The following PTPRK variants were observed in gnomAD, a reference collection of about 807,000 sequenced individuals.
PTPRK encodes protein tyrosine phosphatase receptor type K.
In PTPRK, 75 loss-of-function variants were observed where a neutral mutation model predicts 178.0. That is an observed-to-expected ratio of 0.42 (90% confidence interval 0.35 to 0.51). The LOEUF (loss-of-function observed/expected upper bound fraction) is 0.51. Ranked by LOEUF, PTPRK falls within the 20% of genes least tolerant of loss-of-function variation. The pLI is 0.02. For synonymous variants in PTPRK, 637 were observed against 620.6 expected (o/e 1.03, Z -0.39); for missense variants, 1,441 against 1,797.8 (o/e 0.80, Z 3.59).
intron 2 of PTPRK, among the ~76,000 whole-genome samples, chr6:128,336,176 C>A (rs1376407957): frequency 6.9e-6 from 1 of 145,490 alleles, no homozygotes; most frequent in African/African-American, 2.5e-5. Context: ...CAAGTGACCT[C>A]CATTCCAACA....
chr6:128,274,739 G>C (rs958491462), intron 3 of PTPRK, among the ~76,000 whole-genome samples: 2 of 151,994 alleles, frequency 1.3e-5, no homozygotes, highest in Non-Finnish European at 2.9e-5. Flanking sequence ...TTAATTTGTA[G>C]ACCAGATTAC....
rs182375324 is a variant in PTPRK at position 128,122,372 on chromosome 6, G to C, written c.1163-32380C>G. 3.3e-5 allele frequency among the ~76,000 whole-genome samples: 5 copies of C among 152,206 alleles called. 1 individual carries two copies. The highest frequency in any genetic ancestry group is 2.6e-4 in the Admixed American group (4 of 15,282). ...ATAAGAGTATATTAGAAGATAGCTGGATAACGGAGGTGGAATCTTACCTGA... is the reference window on the plus strand; with the variant it reads ...ATAAGAGTATATTAGAAGATAGCTGCATAACGGAGGTGGAATCTTACCTGA... On this transcript the variant is annotated intron_variant, in intron 7 of 29. Coordinates refer to ENST00000368226, the MANE Select transcript of PTPRK (RefSeq NM_002844.4).
At chr6:128,152,197 A>T (rs1465940879) in intron 7 of PTPRK, among the ~76,000 whole-genome samples, 1 of 152,038 alleles carries the variant, frequency 6.6e-6, no homozygotes, top group East Asian at 1.9e-4. Flanking sequence ...TTCTCACTAA[A>T]ATCAAAGGGA....
At chr6:128,128,254 G>C (rs1189391199) in intron 7 of PTPRK, among the ~76,000 whole-genome samples, 1 of 152,120 alleles carries the variant, frequency 6.6e-6, no homozygotes, top group South Asian at 2.1e-4. Flanking sequence ...AATACATGAG[G>C]ATCAAAATCT....
In PTPRK at chr6:127,981,160, T is replaced by C. The variant is rs754768985; in HGVS notation, c.3667A>G (p.Ile1223Val). ...ATGTAGTTACTGCTCTCCCCATCAA[T>C]TGTAATTAAAAAAGGCAGACATCTG... Reference protein sequence around the residue: ...PDRCLPFLITIDGESSNYINA... With the variant: ...PDRCLPFLITVDGESSNYINA... The change falls in exon 25 of 30, where the codon ATT (isoleucine) becomes GTT (valine). Residue 1223 changes from isoleucine (I) to valine (V), a missense_variant. Transcript: ENST00000368226. 3.4e-5 allele frequency: 55 copies of C among 1,613,852 alleles called. No homozygotes were observed. In the South Asian group the frequency reaches 3.7e-4, roughly 11 times the overall value.
At chr6:128,476,897 A>C (rs189233797) in intron 1 of PTPRK, among the ~76,000 whole-genome samples, 9 of 152,040 alleles carry the variant, frequency 5.9e-5, no homozygotes, top group Admixed American at 5.9e-4. Flanking sequence ...TAAAAAAAAA[A>C]AATCAATCTT....
chr6:128,512,840 C>T (rs1434414858), intron 1 of PTPRK, among the ~76,000 whole-genome samples: 1 of 152,076 alleles, frequency 6.6e-6, no homozygotes, highest in Non-Finnish European at 1.5e-5. Context: ...TTTGACTGTC[C>T]TATAAATGAG....
At chr6:128,342,317 A>T (rs1293881308) in intron 2 of PTPRK, among the ~76,000 whole-genome samples, 2 of 152,238 alleles carry the variant, frequency 1.3e-5, no homozygotes, top group East Asian at 3.9e-4. Flanking sequence ...CACACAAAAA[A>T]ATTTTTAAGT....
At chr6:128,157,762 CCTTCACCCA>C (rs1240771709) in intron 7 of PTPRK, among the ~76,000 whole-genome samples, 2 of 151,958 alleles carry the variant, frequency 1.3e-5, no homozygotes, top group African/African-American at 2.4e-5. Context: ...CTGTTCATAT[CCTTCACCCA>C]CTTTTTGATG....
At chr6:128,255,580 A>C (rs909867926) in intron 3 of PTPRK, among the ~76,000 whole-genome samples, 1 of 152,272 alleles carries the variant, frequency 6.6e-6, no homozygotes, top group Non-Finnish European at 1.5e-5. Flanking sequence ...GGAGATATTT[A>C]ACCTGTTTAA....
At chr6:128,238,961 C>A (rs979677022) in intron 5 of PTPRK, among the ~76,000 whole-genome samples, 2 of 152,008 alleles carry the variant, frequency 1.3e-5, no homozygotes, top group African/African-American at 4.8e-5. Flanking sequence ...TAACACCCAG[C>A]ATATCAGTCA....
intron 1 of PTPRK, among the ~76,000 whole-genome samples, chr6:128,431,864 T>A (rs542647902): frequency 5.3e-4 from 81 of 152,212 alleles, no homozygotes; most frequent in Non-Finnish European, 1.0e-3. Flanking sequence ...AGCAGAGCTA[T>A]GTGGCAGGCT....
intron 1 of PTPRK, among the ~76,000 whole-genome samples, chr6:128,466,336 T>G (rs1562580636): frequency 6.6e-6 from 1 of 152,212 alleles, no homozygotes; most frequent in Non-Finnish European, 1.5e-5. Flanking sequence ...CCATACTAAG[T>G]GCAAAGCAAA....
At chr6:128,409,481 A>G (rs921027777) in intron 1 of PTPRK, 1 of 276,278 alleles carries the variant, frequency 3.6e-6, no homozygotes, top group South Asian at 3.5e-5. Flanking sequence ...GAAATGCTTG[A>G]ACTATGACTG....
Position 127,982,843 on chromosome 6 carries a change from C to G in PTPRK, c.3525G>C (p.Lys1175Asn), listed in dbSNP as rs762299146. The G allele has an allele frequency of 6.2e-7, 1 of 1,608,898 alleles. No individual in the cohort carries two copies. The highest frequency in any genetic ancestry group is 1.1e-5 in the South Asian group (1 of 90,294). The change falls in exon 24 of 30, where the codon AAG (lysine) becomes AAC (asparagine). Residue 1175 changes from lysine (K) to asparagine (N), a missense_variant. Lys to Asn is a moderately conservative substitution (Grantham distance 94). Around this residue, in one of 4 missense-constraint regions of PTPRK, gnomAD observed 335 missense variants for 512.4 expected, o/e 0.65. Coordinates refer to ENST00000368226, the MANE Select transcript of PTPRK (RefSeq NM_002844.4). The stretch of plus-strand genomic sequence containing the variant: ...AAATAGTTAATACCTGAAATTCATC[C>G]TTGAGATGTGAAGAGTTAGTCTGGG... ...IDSQTNSSHL[K>N]DEFQTLNSVT... is the part of the protein sequence containing the mutation.
chr6:128,517,475 G>A (rs1376825393), intron 1 of PTPRK, among the ~76,000 whole-genome samples: 4 of 152,098 alleles, frequency 2.6e-5, no homozygotes, highest in East Asian at 1.9e-4. Flanking sequence ...TCTATGCCTC[G>A]GTTTCCTCAG....
At chr6:128,408,225 T>C (rs539167444) in intron 1 of PTPRK, among the ~76,000 whole-genome samples, 9 of 151,992 alleles carry the variant, frequency 5.9e-5, no homozygotes, top group Non-Finnish European at 1.2e-4. Flanking sequence ...CCATCTCTAC[T>C]AAAAATACAA....
chr6:128,400,391 T>G (rs1402045984), intron 1 of PTPRK, among the ~76,000 whole-genome samples: 2 of 152,160 alleles, frequency 1.3e-5, no homozygotes, highest in Non-Finnish European at 1.5e-5. Flanking sequence ...CAAATAACTC[T>G]GTATAATGAG....
At chr6:128,264,874 T>C (rs1390984077) in intron 3 of PTPRK, among the ~76,000 whole-genome samples, 1 of 152,134 alleles carries the variant, frequency 6.6e-6, no homozygotes, top group Non-Finnish European at 1.5e-5. Context: ...CGAGATCTGA[T>C]GATTTTTAAA....
Sources: allele counts gnomAD v4.1 joint callset (sites outside exome capture counted in the v4.1 genomes callset), GRCh38; gene constraint gnomAD v4.1.1; regional missense constraint gnomAD v4.1.1; transcripts MANE v1.5; gene names NCBI Gene and HGNC (gene_info 2026-07-23, HGNC 2026-07-21).